SYCP1: variants seen among roughly 807,000 people sequenced by gnomAD.
SYCP1 encodes the protein cancer/testis antigen 8.
In SYCP1, 64 loss-of-function variants were observed where a neutral mutation model predicts 153.1. The ratio of observed to expected loss-of-function variants is 0.42; its 90% CI spans 0.34 to 0.51. The LOEUF (loss-of-function observed/expected upper bound fraction) is 0.51, where lower values mean the gene tolerates loss of function less well. Among genes scored for constraint, SYCP1 ranks in the 20% least tolerant of loss-of-function variants. The probability of loss-of-function intolerance (pLI) is 0.06; values close to 1 mark genes in which losing one functional copy is unlikely to be tolerated. For synonymous variants in SYCP1, 384 were observed against 341.8 expected (o/e 1.12, Z -1.36); for missense variants, 997 against 1,049.0 (o/e 0.95, Z 0.68).
chr1:114,957,105 C>G (rs895338073), intron 27 of SYCP1, among the ~76,000 whole-genome samples: 2 of 149,858 alleles, frequency 1.3e-5, no homozygotes, highest in Admixed American at 1.3e-4. Context: ...CTCTCTCTTG[C>G]CCAGGATGAA....
chr1:114,919,170 C>T (rs1273420262), intron 20 of SYCP1, among the ~76,000 whole-genome samples: 1 of 151,922 alleles, frequency 6.6e-6, no homozygotes, highest in African/African-American at 2.4e-5. Flanking sequence ...TTATGTTGAG[C>T]TATGTTCCTT....
intron 27 of SYCP1, among the ~76,000 whole-genome samples, chr1:114,976,244 C>T (rs925110043): frequency 5.3e-5 from 8 of 151,804 alleles, no homozygotes; most frequent in Non-Finnish European, 7.4e-5. Context: ...TAGGCTGATA[C>T]GTTTATTTAG....
intron 12 of SYCP1, among the ~76,000 whole-genome samples, chr1:114,881,588 A>G (rs1004604575): frequency 7.0e-6 from 1 of 143,230 alleles, no homozygotes; most frequent in African/African-American, 2.6e-5. Flanking sequence ...GTGCAGTGGC[A>G]CAATCATGCC....
At chr1:114,905,755 A>G (rs1443754582) in intron 16 of SYCP1, among the ~76,000 whole-genome samples, 1 of 152,024 alleles carries the variant, frequency 6.6e-6, no homozygotes, top group African/African-American at 2.4e-5. Flanking sequence ...AATTTTTTTT[A>G]TTGTTATAGA....
rs773054106 is a variant in SYCP1 at position 114,883,982 on chromosome 1, G to T, written c.911-1553G>T. Among the ~76,000 whole-genome samples the T allele has an allele frequency of 7.2e-5, 11 of 152,082 alleles. 1 individual carries two copies. Among genetic ancestry groups the T allele is most frequent in the Admixed American group, 2.6e-4 (4 of 15,258 alleles). ...CTGGGATTACAGGCATGAACCACCG[G>T]GCCTGGCCCAGATTTACTTTTTCTA... On this transcript the variant is annotated intron_variant, in intron 12 of 31. Coordinates refer to ENST00000369522, the MANE Select transcript of SYCP1 (RefSeq NM_003176.4).
rs1219494204 is a variant in SYCP1, at chr1:114,910,433, T to A, written c.1357T>A (p.Phe453Ile). 2 of 1,604,660 alleles carry A rather than the reference T, an allele frequency of 1.2e-6. No individual in the cohort carries two copies. The highest frequency in any genetic ancestry group is 4.5e-5 in the East Asian group (2 of 44,254). Residue 453 changes from phenylalanine (F) to isoleucine (I), a missense_variant, in exon 17 of 32, where the codon TTT (phenylalanine) becomes ATT (isoleucine). Phe to Ile is a conservative substitution (Grantham distance 21). Coordinates refer to ENST00000369522, the MANE Select transcript of SYCP1 (RefSeq NM_003176.4). Reference protein sequence around the residue: ...KETLLYENKQFEKIAEELKGT... With the variant: ...KETLLYENKQIEKIAEELKGT... ...AACACTTTTATATGAAAATAAACAA[T>A]TTGAGAAGATTGCTGAAGAATTAAA...
chr1:114,926,414 C>T (rs1012875682), intron 22 of SYCP1, 74 bp downstream of exon 22: 29 of 1,475,940 alleles, frequency 2.0e-5, no homozygotes, highest in Middle Eastern at 1.8e-4. Context: ...AATGCTTTCC[C>T]TTCCTTTAGT....
chr1:114,899,283 T>C (rs576531390), intron 16 of SYCP1, among the ~76,000 whole-genome samples: 1 of 152,352 alleles, frequency 6.6e-6, no homozygotes, highest in East Asian at 1.9e-4. Flanking sequence ...CTTACTCAAT[T>C]ATTAAAGGCT....
At chr1:114,979,648 A>G (rs942280987) in intron 28 of SYCP1, among the ~76,000 whole-genome samples, 3 of 151,880 alleles carry the variant, frequency 2.0e-5, no homozygotes, top group Admixed American at 6.6e-5. Flanking sequence ...ATCAACTATG[A>G]TGTATAAATA....
At chr1:114,906,746 A>G (rs899272201) in intron 16 of SYCP1, among the ~76,000 whole-genome samples, 19 of 152,262 alleles carry the variant, frequency 1.2e-4, no homozygotes, top group Non-Finnish European at 2.4e-4. Flanking sequence ...GGTTTGTTTT[A>G]TGTATCAGAT....
intron 16 of SYCP1, among the ~76,000 whole-genome samples, chr1:114,899,702 AGAAT>A (rs1667292003): frequency 6.6e-6 from 1 of 152,250 alleles, no homozygotes; most frequent in Non-Finnish European, 1.5e-5. Flanking sequence ...CTCAGACATT[AGAAT>A]TTTAGAAATC....
In SYCP1 at chr1:114,944,932, C is replaced by A; in HGVS notation, c.2104C>A (p.Arg702=). 2 of 1,601,560 alleles carry A rather than the reference C, an allele frequency of 1.2e-6. No homozygotes were observed. Among genetic ancestry groups the A allele is most frequent in the African/African-American group, 1.3e-5 (1 of 74,236 alleles). Residue 702 remains arginine, a synonymous_variant, in exon 25 of 32, where the codon CGA becomes AGA. Coordinates refer to ENST00000369522, the MANE Select transcript of SYCP1 (RefSeq NM_003176.4). ...AVKLQKEIDK[R]CQHKIAEMVA... is the part of the protein sequence containing the mutation. ...AAAATTACAGAAAGAAATTGATAAG[C>A]GATGTCAACATAAAATAGCTGAAAT... is the stretch of plus-strand genomic sequence containing the variant.
In SYCP1 at chr1:114,913,112, A is replaced by G. The variant is rs149262331; in HGVS notation, c.1609A>G (p.Met537Val). The G allele has an allele frequency of 3.6e-5, 58 of 1,612,620 alleles. No homozygotes were observed. Among genetic ancestry groups the G allele is most frequent in the Non-Finnish European group, 4.8e-5 (57 of 1,179,038 alleles). ...AGAGCTCACACAGGAAACAAGTGAT[A>G]TGACCCTAGAACTCAAGAATCAGCA... Reference protein sequence around the residue: ...NKELTQETSDMTLELKNQQED... With the variant: ...NKELTQETSDVTLELKNQQED... The change falls in exon 19 of 32, where the codon ATG (methionine) becomes GTG (valine). Residue 537 changes from methionine (M) to valine (V), a missense_variant. Met to Val is a conservative substitution (Grantham distance 21). Around this residue, in one of 2 missense-constraint regions of SYCP1, gnomAD observed 712 missense variants for 682.9 expected, o/e 1.04. Transcript: ENST00000369522.
intron 8 of SYCP1, among the ~76,000 whole-genome samples, 179 bp from the exon 9 acceptor site, chr1:114,874,327 A>T (rs1196544968): frequency 2.0e-5 from 3 of 152,172 alleles, no homozygotes; most frequent in Non-Finnish European, 4.4e-5. Flanking sequence ...TTCACAACAG[A>T]CTGAACCCAA....
chr1:114,956,046 C>T (rs760312210), intron 27 of SYCP1, among the ~76,000 whole-genome samples: 1 of 152,174 alleles, frequency 6.6e-6, no homozygotes, highest in Non-Finnish European at 1.5e-5. Context: ...TATCTGAGGT[C>T]CCAGCTGAGA....
rs60371788 is a variant in SYCP1 at position 114,975,658 on chromosome 1, G to C, written c.2323-1899G>C. Among the ~76,000 whole-genome samples the C allele has an allele frequency of 2.4e-3, 364 of 151,452 alleles. 1 individual carries two copies. Among genetic ancestry groups the C allele is most frequent in the African/African-American group, 8.5e-3 (350 of 41,366 alleles). ...ATGACAATCCCCACTTTACCTATAA[G>C]CCCATTGGTATAGGAAACTGTTACT... On this transcript the variant is annotated intron_variant, in intron 27 of 31. Coordinates refer to ENST00000369522, the MANE Select transcript of SYCP1 (RefSeq NM_003176.4).
intron 24 of SYCP1, 122 bp from the exon 25 acceptor site, chr1:114,944,750 T>G: frequency 1.3e-6 from 1 of 767,898 alleles, no homozygotes; most frequent in South Asian, 1.8e-5. Context: ...ATTTTCTACT[T>G]GTTTTTCCAG....
chr1:114,988,992 T>C (rs1673724952), intron 30 of SYCP1, among the ~76,000 whole-genome samples: 1 of 151,702 alleles, frequency 6.6e-6, no homozygotes, highest in Non-Finnish European at 1.5e-5. Context: ...CACAATGAGA[T>C]CCTGTCTCTA....
At chr1:114,927,799 AAGAG>A (rs1386875658) in intron 23 of SYCP1, among the ~76,000 whole-genome samples, 1 of 151,948 alleles carries the variant, frequency 6.6e-6, no homozygotes, top group Non-Finnish European at 1.5e-5. Flanking sequence ...CCCAAGTAAG[AAGAG>A]AGAGAGAATA....
Sources: allele counts gnomAD v4.1 joint callset (sites outside exome capture counted in the v4.1 genomes callset), GRCh38; gene constraint gnomAD v4.1.1; regional missense constraint gnomAD v4.1.1; transcripts MANE v1.5; gene names NCBI Gene and HGNC (gene_info 2026-07-23, HGNC 2026-07-21).